Variants in GPR137 observed in about 807,000 individuals in gnomAD.
GPR137 encodes the protein integral membrane protein GPR137.
GPR137 carries 20 observed loss-of-function variants against 38.9 expected under a neutral mutation model. The ratio of observed to expected loss-of-function variants is 0.51; its 90% confidence interval spans 0.36 to 0.75. The LOEUF is 0.75. Among genes scored for constraint, GPR137 ranks in the 30% least tolerant of loss-of-function variants. The pLI is 0.00. For synonymous variants in GPR137, 226 were observed against 235.8 expected (o/e 0.96, Z 0.38); for missense variants, 456 against 526.4 (o/e 0.87, Z 1.31).
At chr11:64,271,751 C>T (rs764003005), upstream of GPR137, 8 of 1,450,838 alleles carry the variant, frequency 5.5e-6, no homozygotes, top group South Asian at 2.9e-5. Context: ...CGTCGTCCTC[C>T]GTCCCCGCGG....
chr11:64,285,032 C>T, upstream of GPR137: 1 of 1,172,896 alleles, frequency 8.5e-7, no homozygotes. Flanking sequence ...CCCCCGGGAG[C>T]CAGTGAAAAC....
Position 64,289,069 on chromosome 11 carries a change from A to C in GPR137, c.1064A>C (p.Tyr355Ser). 4 of 1,604,762 alleles carry C rather than the reference A, an allele frequency of 2.5e-6. No individual in the cohort carries two copies. The highest frequency in any genetic ancestry group is 3.4e-6 in the Non-Finnish European group (4 of 1,177,600). ...GGCAGTCTAGGCTCTGGGAGCTGGTATGGTGCCATCGGGCGTGAGCCGGGC... is the reference window on the plus strand; with the variant it reads ...GGCAGTCTAGGCTCTGGGAGCTGGTCTGGTGCCATCGGGCGTGAGCCGGGC... ...MSGSLGSGSW[Y>S]GAIGREPGWY... Residue 355 changes from tyrosine (Y) to serine (S), a missense_variant, in exon 7 of 7, where the codon TAT (tyrosine) becomes TCT (serine). Physicochemically the swap from Tyr to Ser is moderately radical, Grantham distance 144 (BLOSUM62 -2). Coordinates refer to ENST00000438980, the MANE Select transcript of GPR137 (RefSeq NM_001170880.2).
Position 64,286,856 on chromosome 11 carries a change from C to G in GPR137, c.332C>G (p.Thr111Arg). 1 of 1,597,766 alleles carries G rather than the reference C, an allele frequency of 6.3e-7. No homozygotes were observed. Among genetic ancestry groups the G allele is most frequent in the Non-Finnish European group, 8.6e-7 (1 of 1,169,034 alleles). The part of the protein sequence containing the change: ...CPVCLQFFTL[T>R]LMNLYFAQVV... ...GTCTGCCTGCAGTTCTTCACCTTGA[C>G]GCTTATGAACCTCTACTTTGCCCAG... The change falls in exon 1 of 7, where the codon ACG becomes AGG. Residue 111 changes from threonine to arginine, a missense_variant. Physicochemically the swap from Thr to Arg is moderately conservative, Grantham distance 71. Transcript: ENST00000438980.
At chr11:64,284,514 C>A, upstream of GPR137, 1 of 1,548,752 alleles carries the variant, frequency 6.5e-7, no homozygotes, top group Non-Finnish European at 8.7e-7. Flanking sequence ...CCTCATCTGT[C>A]TGCCGGGTCT....
upstream of GPR137, chr11:64,284,734 G>A (rs1461887485): frequency 4.6e-6 from 7 of 1,535,844 alleles, no homozygotes; most frequent in African/African-American, 2.7e-5. Context: ...TCAGCGACCT[G>A]GCCCAATCAC....
At chr11:64,271,785 A>C (rs767611787), upstream of GPR137, 1 of 1,414,686 alleles carries the variant, frequency 7.1e-7, no homozygotes. Context: ...GCGACTCCGG[A>C]TCTCCACAGC....
chr11:64,284,198 G>C (rs1187302553), upstream of GPR137: 1 of 1,600,818 alleles, frequency 6.2e-7, no homozygotes, highest in Admixed American at 1.7e-5. Flanking sequence ...GATGGCTGCT[G>C]CTGGTTGGCT....
rs773334120 is a variant in GPR137 at position 64,287,040 on chromosome 11, T to C, written c.407+26T>C. The C allele has an allele frequency of 3.2e-5, 52 of 1,609,818 alleles. No individual in the cohort carries two copies. In the East Asian group the frequency reaches 1.1e-3, roughly 35 times the overall value. On this transcript the variant is annotated intron_variant, in intron 2 of 6. Coordinates refer to ENST00000438980, the MANE Select transcript of GPR137 (RefSeq NM_001170880.2). ...GTAAGTACTCGGGACACTGGTGGGC[T>C]CAGCCTCCAGGTCAGGGGCAGGTGA...
chr11:64,286,819 T>C lies in GPR137; in HGVS notation c.295T>C (p.Tyr99His), dbSNP rs2135184731. The C allele has an allele frequency of 3.7e-6, 6 of 1,600,192 alleles. No individual in the cohort carries two copies. The East Asian group carries it at 1.3e-4, about 36-fold the overall frequency. Residue 99 changes from tyrosine (Y) to histidine (H), a missense_variant, in exon 1 of 7, where the codon TAC (tyrosine) becomes CAC (histidine). By Grantham distance (83) the Tyr-to-His change is moderately conservative (BLOSUM62 2). Coordinates refer to ENST00000438980, the MANE Select transcript of GPR137 (RefSeq NM_001170880.2). ...GGGGCCCTTGCCCTTCTGGCTTCTC[T>C]ACTGCTGCCCCGTCTGCCTGCAGTT... is the stretch of plus-strand genomic sequence containing the variant. ...RLGPLPFWLL[Y>H]CCPVCLQFFT...
upstream of GPR137, chr11:64,285,367 AGGCGGCC>A: frequency 1.0e-6 from 1 of 984,880 alleles, no homozygotes; most frequent in Non-Finnish European, 1.2e-6. Context: ...CACGCCTGGC[AGGCGGCC>A]GGCCAGGTGA....
upstream of GPR137, chr11:64,285,064 G>C: frequency 9.2e-7 from 1 of 1,089,950 alleles, no homozygotes; most frequent in Non-Finnish European, 1.1e-6. Flanking sequence ...AGTGATTACT[G>C]CGGGCGAAGG....
Position 64,286,768 on chromosome 11 carries a change from C to G in GPR137, c.244C>G (p.Arg82Gly). Residue 82 changes from arginine to glycine, a missense_variant, in exon 1 of 7, where the codon CGA (arginine) becomes GGA (glycine). Physicochemically the swap from Arg to Gly is moderately radical, Grantham distance 125. Coordinates refer to ENST00000438980, the MANE Select transcript of GPR137 (RefSeq NM_001170880.2). ...LRTTLFSFYF[R>G]DTPRANRLGP... Reference sequence around the variant, plus strand: ...TACCACCCTCTTCTCCTTCTACTTCCGAGATACTCCCCGCGCCAACCGCCT... The same window carrying G: ...TACCACCCTCTTCTCCTTCTACTTCGGAGATACTCCCCGCGCCAACCGCCT... 1 of 1,611,926 alleles carries G rather than the reference C, an allele frequency of 6.2e-7. No homozygotes were observed. The highest frequency in any genetic ancestry group is 8.5e-7 in the Non-Finnish European group (1 of 1,178,602).
chr11:64,277,464 GTC>G (rs1241050393), intron 2 of GPR137, among the ~76,000 whole-genome samples: 1 of 152,164 alleles, frequency 6.6e-6, no homozygotes, highest in Non-Finnish European at 1.5e-5. Context: ...CAGCGACAGG[GTC>G]TCTCTCTGTC....
Position 64,286,594 on chromosome 11 carries a change from C to T in GPR137, c.70C>T (p.Leu24=). 1 of 1,613,982 alleles carries T rather than the reference C, an allele frequency of 6.2e-7. No individual in the cohort carries two copies. Among genetic ancestry groups the T allele is most frequent in the Non-Finnish European group, 8.5e-7 (1 of 1,179,952 alleles). Residue 24 remains leucine, a synonymous_variant, in exon 1 of 7, where the codon CTG becomes TTG. Coordinates refer to ENST00000438980, the MANE Select transcript of GPR137 (RefSeq NM_001170880.2). The stretch of plus-strand genomic sequence containing the variant: ...GCCTGCGCTGCCACCTGCTGTGACC[C>T]TGGGGCTGACAGCTGCCTACACCAC... ...LVPALPPAVT[L]GLTAAYTTLY...
chr11:64,287,307 A>G, intron 2 of GPR137: 1 of 985,024 alleles, frequency 1.0e-6, no homozygotes, highest in Non-Finnish European at 1.2e-6. Context: ...AGCCATATGC[A>G]CTCCTGGGTG....
chr11:64,277,104 G>A, intron 2 of GPR137: 1 of 664,334 alleles, frequency 1.5e-6, no homozygotes, highest in East Asian at 2.7e-5. Flanking sequence ...ACACTGAATT[G>A]CACACTTAAT....
intron 2 of GPR137, chr11:64,277,017 C>A (rs1037359189): frequency 1.4e-6 from 1 of 717,264 alleles, no homozygotes; most frequent in Non-Finnish European, 2.6e-6. Context: ...TCCTCAGATT[C>A]CCAAGAAGGA....
upstream of GPR137, among the ~76,000 whole-genome samples, chr11:64,279,702 GCA>G (rs2033306221): frequency 6.8e-6 from 1 of 147,344 alleles, no homozygotes; most frequent in Non-Finnish European, 1.5e-5. Context: ...GGTGGAAGTT[GCA>G]GTGAGCCGAG....
At position 64,286,597 on chromosome 11, in the gene GPR137, G is replaced by T; in HGVS notation, c.73G>T (p.Gly25Trp). Residue 25 changes from glycine (G) to tryptophan (W), a missense_variant, in exon 1 of 7, where the codon GGG becomes TGG. Coordinates refer to ENST00000438980, the MANE Select transcript of GPR137 (RefSeq NM_001170880.2). Reference protein sequence around the residue: ...VPALPPAVTLGLTAAYTTLYA... With the variant: ...VPALPPAVTLWLTAAYTTLYA... ...TGCGCTGCCACCTGCTGTGACCCTG[G>T]GGCTGACAGCTGCCTACACCACCCT... 2.5e-6 allele frequency: 4 copies of T among 1,613,844 alleles called. No individual in the cohort carries two copies. The highest frequency in any genetic ancestry group is 3.4e-6 in the Non-Finnish European group (4 of 1,179,874).
Sources: gnomAD v4.1 joint callset for allele counts (sites outside exome capture counted in the v4.1 genomes callset) on GRCh38, gnomAD v4.1.1 for gene constraint, MANE v1.5 for transcripts, NCBI Gene and HGNC (gene_info 2026-07-23, HGNC 2026-07-21) for gene names.